The following MBD5 variants were observed in gnomAD, a reference collection of about 807,000 sequenced individuals.
The protein encoded by MBD5 is methyl-CpG binding domain protein 5.
Under a neutral mutation model 117.3 loss-of-function variants are expected in MBD5, and 13 were observed. The ratio of observed to expected loss-of-function variants is 0.11; its 90% CI spans 0.07 to 0.18. The LOEUF is 0.18. Among genes scored for constraint, MBD5 ranks in the 10% least tolerant of loss-of-function variants. The probability of loss-of-function intolerance (pLI) is 1.00; values close to 1 mark genes in which losing one functional copy is unlikely to be tolerated. For synonymous variants in MBD5, 727 were observed against 766.4 expected (o/e 0.95, Z 0.85); for missense variants, 1,879 against 2,093.8 (o/e 0.90, Z 2.00).
intron 2 of MBD5, chr2:148,196,078 C>T (rs539762841): frequency 6.6e-6 from 1 of 152,264 alleles, no homozygotes; most frequent in African/African-American, 2.4e-5. Flanking sequence ...GTTATCTTTG[C>T]ACAGGTATCA....
At chr2:148,488,647 G>A (rs1307391513) in intron 10 of MBD5, among the ~76,000 whole-genome samples, 1 of 121,268 alleles carries the variant, frequency 8.2e-6, no homozygotes, top group Non-Finnish European at 1.7e-5. Context: ...TTCTTAGATG[G>A]TGCGGGGGTG....
intron 2 of MBD5, among the ~76,000 whole-genome samples, chr2:148,195,162 TAGA>T (rs1426988109): frequency 1.3e-5 from 2 of 149,862 alleles, no homozygotes; most frequent in African/African-American, 5.1e-5. Flanking sequence ...CTATACTAAA[TAGA>T]AGGAGTGCAT....
intron 3 of MBD5, among the ~76,000 whole-genome samples, chr2:148,294,813 A>G (rs1701611569): frequency 6.6e-6 from 1 of 152,152 alleles, no homozygotes; most frequent in Admixed American, 6.5e-5. Flanking sequence ...GCCCAGAATT[A>G]AAATTTTTAA....
intron 1 of MBD5, among the ~76,000 whole-genome samples, chr2:148,127,486 T>C (rs144716517): frequency 6.6e-6 from 1 of 152,298 alleles, no homozygotes; most frequent in African/African-American, 2.4e-5. Flanking sequence ...ACATGTGGTA[T>C]TTGGTTTTCT....
intron 4 of MBD5, among the ~76,000 whole-genome samples, chr2:148,447,995 C>T (rs1012382067): frequency 2.6e-5 from 4 of 152,022 alleles, no homozygotes; most frequent in African/African-American, 9.7e-5. Flanking sequence ...TACTGAAACT[C>T]CCTCCCTCTC....
chr2:148,256,967 C>G (rs1700606052), intron 3 of MBD5, among the ~76,000 whole-genome samples: 1 of 152,184 alleles, frequency 6.6e-6, no homozygotes, highest in Admixed American at 6.5e-5. Context: ...GGGTCGTTAC[C>G]CATGAATGCA....
At chr2:148,237,928 T>C (rs1485014736) in intron 3 of MBD5, among the ~76,000 whole-genome samples, 7 of 152,136 alleles carry the variant, frequency 4.6e-5, no homozygotes, top group Non-Finnish European at 1.5e-5. Context: ...AATTTGTATA[T>C]CTTTAAAATT....
chr2:148,160,334 G>T (rs966422517), intron 1 of MBD5, among the ~76,000 whole-genome samples: 2 of 152,138 alleles, frequency 1.3e-5, no homozygotes, highest in African/African-American at 4.8e-5. Context: ...GGAGGTGGAG[G>T]TTGCAGTGAG....
chr2:148,153,061 T>C (rs1030115121), intron 1 of MBD5, among the ~76,000 whole-genome samples: 41 of 152,226 alleles, frequency 2.7e-4, no homozygotes, highest in Admixed American at 2.1e-3. Context: ...TTGGCATGAT[T>C]TTGCAGCGGC....
intron 3 of MBD5, among the ~76,000 whole-genome samples, chr2:148,316,783 A>G (rs941946458): frequency 2.0e-5 from 3 of 152,234 alleles, no homozygotes; most frequent in Non-Finnish European, 4.4e-5. Flanking sequence ...AAAATTGTAC[A>G]TACAAGATAG....
At chr2:148,159,404 C>G (rs1329068925) in intron 1 of MBD5, among the ~76,000 whole-genome samples, 2 of 152,066 alleles carry the variant, frequency 1.3e-5, no homozygotes, top group Non-Finnish European at 2.9e-5. Flanking sequence ...CAACCTCCAC[C>G]TCCCAGGCTC....
At chr2:148,239,576 G>A (rs1036345195) in intron 3 of MBD5, among the ~76,000 whole-genome samples, 6 of 151,896 alleles carry the variant, frequency 4.0e-5, no homozygotes, top group Admixed American at 2.6e-4. Context: ...AAGAAAAATT[G>A]TTGACATTTA....
chr2:148,111,562 A>G (rs1267277348), intron 1 of MBD5, among the ~76,000 whole-genome samples: 1 of 152,206 alleles, frequency 6.6e-6, no homozygotes, highest in East Asian at 1.9e-4. Context: ...AAATGCAAAT[A>G]TAGATTATAG....
At chr2:148,044,589 T>C (rs991201314) in intron 1 of MBD5, 5 of 152,140 alleles carry the variant, frequency 3.3e-5, no homozygotes, top group Non-Finnish European at 7.4e-5. Context: ...TAAATAAATA[T>C]AAGATGATGA....
Position 148,430,941 on chromosome 2 carries a change from T to A in MBD5, c.-556-27262T>A, listed in dbSNP as rs1705965184. Among the ~76,000 whole-genome samples the A allele has an allele frequency of 2.0e-5, 3 of 152,308 alleles. No individual in the cohort carries two copies. The South Asian group carries it at 6.2e-4, about 32-fold the overall frequency. On this transcript the variant is annotated intron_variant, in intron 4 of 13. Coordinates refer to ENST00000642680, the MANE Select transcript of MBD5 (RefSeq NM_001378120.1). ...GAGAATTATCTAAAATTACTTATAA[T>A]TAAACATTTTGTTTTACCTAGAATA...
At chr2:148,368,673 A>G (rs927461417) in intron 4 of MBD5, among the ~76,000 whole-genome samples, 2 of 152,128 alleles carry the variant, frequency 1.3e-5, no homozygotes, top group Non-Finnish European at 2.9e-5. Flanking sequence ...ATAAATAATG[A>G]TAATAATGAA....
At chr2:148,502,657 C>T in intron 12 of MBD5, 148 bp downstream of exon 12, 1 of 754,762 alleles carries the variant, frequency 1.3e-6, no homozygotes, top group Admixed American at 2.1e-5. Flanking sequence ...CCATTATAGA[C>T]AAGCCAAATT....
chr2:148,087,650 A>G (rs1695830061), intron 1 of MBD5, among the ~76,000 whole-genome samples: 1 of 152,176 alleles, frequency 6.6e-6, no homozygotes, highest in Admixed American at 6.5e-5. Context: ...AGGAAGCCCC[A>G]TTCCTAGGAC....
chr2:148,205,037 C>T (rs1376798813), intron 2 of MBD5, among the ~76,000 whole-genome samples: 1 of 151,960 alleles, frequency 6.6e-6, no homozygotes, highest in Non-Finnish European at 1.5e-5. Context: ...TACCTGTTTT[C>T]TCCACTTTTT....
Sources: allele counts gnomAD v4.1 joint callset (sites outside exome capture counted in the v4.1 genomes callset), GRCh38; gene constraint gnomAD v4.1.1; transcripts MANE v1.5; gene names NCBI Gene and HGNC (gene_info 2026-07-23, HGNC 2026-07-21).